The following ELOVL2 variants were observed in gnomAD, a reference collection of about 807,000 sequenced individuals.
The protein encoded by ELOVL2 is ELOVL fatty acid elongase 2.
Under a neutral mutation model 37.7 loss-of-function variants are expected in ELOVL2, and 38 were observed. The observed-to-expected ratio is 1.01, with a 90% CI of 0.78 to 1.32. ELOVL2 has a LOEUF of 1.32. Among genes scored for constraint, ELOVL2 ranks in the 40% most tolerant of loss-of-function variants. ELOVL2 has a pLI of 0.00. For missense variants in ELOVL2, 352 were observed against 363.6 expected, an observed-to-expected ratio of 0.97 and a Z score of 0.26; for synonymous variants, 115 against 122.3, an observed-to-expected ratio of 0.94 and a Z score of 0.40.
chr6:11,036,535 T>TG (rs1783008132), intron 1 of ELOVL2, among the ~76,000 whole-genome samples: 1 of 152,222 alleles, frequency 6.6e-6, no homozygotes, highest in Non-Finnish European at 1.5e-5. Flanking sequence ...CCATTTCGAC[T>TG]GCGTTGCCCC....
rs529485019 is a variant in ELOVL2 at position 10,985,719 on chromosome 6, G to A, written c.766-1813C>T. Reference sequence around the variant, plus strand: ...TCCATTGATCTATATCTCTGTTTTGGTAACAGTACCATGCTGTTTTGGTTA... The same window carrying A: ...TCCATTGATCTATATCTCTGTTTTGATAACAGTACCATGCTGTTTTGGTTA... On this transcript the variant is annotated intron_variant, in intron 7 of 7. Coordinates refer to ENST00000354666, the MANE Select transcript of ELOVL2 (RefSeq NM_017770.4). 4.2e-3 allele frequency among the ~76,000 whole-genome samples: 644 copies of A among 151,950 alleles called. 2 individuals carry two copies. Among genetic ancestry groups the A allele is most frequent in the Non-Finnish European group, 6.5e-3 (439 of 68,010 alleles).
At position 11,005,482 on chromosome 6, in the gene ELOVL2, T is replaced by C. The variant is rs1377737656; in HGVS notation, c.145A>G (p.Ile49Val). 3 of 1,614,138 alleles carry C rather than the reference T, an allele frequency of 1.9e-6. No individual in the cohort carries two copies. Among genetic ancestry groups the C allele is most frequent in the Non-Finnish European group, 2.5e-6 (3 of 1,179,984 alleles). The change falls in exon 3 of 8, where the codon ATA becomes GTA. Residue 49 changes from isoleucine to valine, a missense_variant. By Grantham distance (29) the Ile-to-Val change is conservative (BLOSUM62 3). Transcript: ENST00000354666. ...TTCATATACTTGTTACCCAGCCATA[T>C]TGAGAGCAGATACATGACAGTAAGA... ...FFLTVMYLLSIWLGNKYMKNR... is the reference protein window; with the variant it reads ...FFLTVMYLLSVWLGNKYMKNR...
intron 1 of ELOVL2, among the ~76,000 whole-genome samples, chr6:11,028,191 T>C (rs1163480927): frequency 6.6e-6 from 1 of 152,256 alleles, no homozygotes; most frequent in African/African-American, 2.4e-5. Context: ...GCTTTGGTTA[T>C]AGGATGTCTT....
intron 1 of ELOVL2, among the ~76,000 whole-genome samples, chr6:11,016,173 C>CTTTA (rs1782682549): frequency 6.0e-5 from 9 of 150,334 alleles, no homozygotes; most frequent in African/African-American, 9.8e-5. Context: ...TTCCCCTTCT[C>CTTTA]CCTTCCTTTT....
intron 7 of ELOVL2, among the ~76,000 whole-genome samples, chr6:10,987,937 A>G (rs1312441962): frequency 2.0e-5 from 3 of 151,864 alleles, no homozygotes; most frequent in African/African-American, 7.3e-5. Context: ...AACTTAAATT[A>G]TATGCTTGAC....
In ELOVL2 at chr6:11,044,167, C is replaced by T. The variant is rs1486943550; in HGVS notation, c.3+61G>A. The T allele has an allele frequency of 2.1e-6, 3 of 1,443,048 alleles. No individual in the cohort carries two copies. The highest frequency in any genetic ancestry group is 6.0e-5 in the East Asian group (2 of 33,518). 89.4% of individuals were successfully genotyped at this position (1,443,048 alleles called of 1,614,324 possible). A position where few individuals can be genotyped will look rare whatever the true frequency, so the allele number is the denominator to read the frequency against. ...CCGCTCGGCCCTTTCCCGCCCGGTG[C>T]GTGGGTCCAGGAGAGAAAGAAAGCG... On this transcript the variant is annotated intron_variant, in intron 1 of 7. Coordinates refer to ENST00000354666, the MANE Select transcript of ELOVL2 (RefSeq NM_017770.4). The surrounding 1 kb of genome is among the most constrained non-coding windows in gnomAD (Gnocchi z 5.6).
rs905475081 is a variant in ELOVL2, at chr6:10,981,749, T to C, written c.*2032A>G. The C allele has an allele frequency of 3.9e-5, 6 of 152,172 alleles. No homozygotes were observed. The highest frequency in any genetic ancestry group is 8.8e-5 in the Non-Finnish European group (6 of 68,048). 9.4% of individuals were successfully genotyped at this position (152,172 alleles called of 1,614,324 possible). A position where few individuals can be genotyped will look rare whatever the true frequency, so the allele number is the denominator to read the frequency against. On this transcript the variant is annotated 3_prime_UTR_variant, in exon 8 of 8. Transcript: ENST00000354666. ...GCCTCACTGGCACGTAAGAATAAGC[T>C]GAATGTGATGACCAGTGAGCATATT...
Position 11,000,128 on chromosome 6 carries a change from G to GT in ELOVL2, c.291dup (p.Gln98ThrfsTer12), listed in dbSNP as rs745650652. The GT allele has an allele frequency of 7.4e-6, 12 of 1,614,058 alleles. No homozygotes were observed. The East Asian group carries it at 2.4e-4, about 33-fold the overall frequency. On this transcript the variant is annotated frameshift_variant, in exon 4 of 8. Transcript: ENST00000354666. LOFTEE classifies it high-confidence loss of function. ...CCTGCGCTGGTAAGATCTTGACACTGTAAGTTGTAGCCTCCTTCCCAAGTG... is the reference window on the plus strand; with the variant it reads ...CCTGCGCTGGTAAGATCTTGACACTGTTAAGTTGTAGCCTCCTTCCCAAGTG...
At chr6:11,029,964 G>T (rs968134338) in intron 1 of ELOVL2, among the ~76,000 whole-genome samples, 1 of 152,300 alleles carries the variant, frequency 6.6e-6, no homozygotes, top group Admixed American at 6.5e-5. Flanking sequence ...AAGAGGGAAT[G>T]GCAGTACCAA....
intron 5 of ELOVL2, among the ~76,000 whole-genome samples, chr6:10,993,098 TAATGTA>T (rs142162421): frequency 0.023 from 3,441 of 152,170 alleles, 143 homozygotes; most frequent in East Asian, 0.19. Flanking sequence ...ATACTGAAAA[TAATGTA>T]AATGGCATTT....
intron 4 of ELOVL2, 88 bp downstream of exon 4, chr6:10,999,999 C>T: frequency 8.7e-7 from 1 of 1,150,378 alleles, no homozygotes; most frequent in Non-Finnish European, 1.3e-6. Context: ...CTAATTCTAG[C>T]CTCAGCCCTC....
intron 1 of ELOVL2, among the ~76,000 whole-genome samples, chr6:11,021,625 T>C (rs1782766613): frequency 1.3e-5 from 2 of 152,142 alleles, no homozygotes; most frequent in Admixed American, 1.3e-4. Flanking sequence ...ATACTAAAAA[T>C]ATACACACCA....
chr6:11,024,940 T>C (rs572230848), intron 1 of ELOVL2, among the ~76,000 whole-genome samples: 1 of 152,364 alleles, frequency 6.6e-6, no homozygotes, highest in African/African-American at 2.4e-5. Flanking sequence ...AACTTTCTTC[T>C]GCATCTGTAT....
intron 7 of ELOVL2, among the ~76,000 whole-genome samples, chr6:10,988,933 CAGTG>C (rs1782095728): frequency 6.6e-6 from 1 of 152,172 alleles, no homozygotes; most frequent in African/African-American, 2.4e-5. Context: ...CCCAAACAAA[CAGTG>C]AGGCTGCAAC....
Position 10,990,745 on chromosome 6 carries a change from TGAGG to T in ELOVL2, c.506-307_506-304del, listed in dbSNP as rs1246645085. Among the ~76,000 whole-genome samples, 22 of 151,930 alleles carry T rather than the reference TGAGG, an allele frequency of 1.4e-4. No homozygotes were observed. The East Asian group carries it at 4.2e-3, about 29-fold the overall frequency. On this transcript the variant is annotated intron_variant, in intron 5 of 7. Transcript: ENST00000354666. ...TTTAACCGTCACTACTATCAGCTAC[TGAGG>T]GAGGAAAAGAAATACTAGCTTAAAG...
At chr6:10,988,377 C>T (rs888654571) in intron 7 of ELOVL2, among the ~76,000 whole-genome samples, 1 of 152,320 alleles carries the variant, frequency 6.6e-6, no homozygotes, top group East Asian at 1.9e-4. Context: ...CCAGCCTGAA[C>T]AACATGGAGA....
Position 10,989,821 on chromosome 6 carries a change from G to A in ELOVL2, c.647C>T (p.Thr216Ile). 1 of 1,614,156 alleles carries A rather than the reference G, an allele frequency of 6.2e-7. No individual in the cohort carries two copies. Among genetic ancestry groups the A allele is most frequent in the East Asian group, 2.2e-5 (1 of 44,874 alleles). Residue 216 changes from threonine (T) to isoleucine (I), a missense_variant, in exon 7 of 8, where the codon ACC (threonine) becomes ATC (isoleucine). Thr to Ile is a moderately conservative substitution (Grantham distance 89). Transcript: ENST00000354666. ...TQAQLVQFVLTITHTMSAVVK... is the reference protein window; with the variant it reads ...TQAQLVQFVLIITHTMSAVVK... ...GACGGCGCTCATGGTGTGCGTGATG[G>A]TGAGCACGAACTGCACCTGGGGACG... is the stretch of plus-strand genomic sequence containing the variant.
At chr6:10,989,979 C>A in intron 6 of ELOVL2, 142 bp from the exon 7 acceptor site, 1 of 925,478 alleles carries the variant, frequency 1.1e-6, no homozygotes. Flanking sequence ...TGAAGCAGCC[C>A]CCTCATCCAG....
At chr6:11,010,576 T>C (rs1209497527) in intron 2 of ELOVL2, among the ~76,000 whole-genome samples, 170 bp downstream of exon 2, 1 of 152,148 alleles carries the variant, frequency 6.6e-6, no homozygotes, top group Non-Finnish European at 1.5e-5. Flanking sequence ...GTAGGAGAAA[T>C]GGGATCTTCT....
Sources: gnomAD v4.1 joint callset for allele counts (sites outside exome capture counted in the v4.1 genomes callset) on GRCh38, gnomAD v4.1.1 for gene constraint, Gnocchi (gnomAD v3.1) non-coding constraint, MANE v1.5 for transcripts, NCBI Gene and HGNC (gene_info 2026-07-23, HGNC 2026-07-21) for gene names.